The following KCNN2 variants were observed in gnomAD, a reference collection of about 807,000 sequenced individuals.
The protein encoded by KCNN2 is small conductance calcium-activated potassium channel protein 2.
KCNN2 carries 24 observed loss-of-function variants against 55.5 expected under a neutral mutation model. The ratio of observed to expected loss-of-function variants is 0.43; its 90% CI spans 0.31 to 0.61. The LOEUF (loss-of-function observed/expected upper bound fraction) is 0.61, where lower values mean the gene tolerates loss of function less well. KCNN2 is among the 20% of genes least tolerant of loss of function. The pLI, the probability that KCNN2 is intolerant of heterozygous loss-of-function variation, is 0.08. For missense variants in KCNN2, 754 were observed against 853.6 expected, an observed-to-expected ratio of 0.88 and a Z score of 1.45; for synonymous variants, 431 against 336.1, an observed-to-expected ratio of 1.28 and a Z score of -3.09.
intron 5 of KCNN2, among the ~76,000 whole-genome samples, chr5:114,475,554 A>G (rs763502518): frequency 1.3e-5 from 2 of 152,222 alleles, no homozygotes; most frequent in Non-Finnish European, 2.9e-5. Context: ...AATATACTGT[A>G]TACTAAATAT....
chr5:114,212,943 A>G (rs185416923), intron 1 of KCNN2, among the ~76,000 whole-genome samples: 6 of 152,176 alleles, frequency 3.9e-5, no homozygotes, highest in African/African-American at 1.4e-4. Context: ...CAATGTAGAT[A>G]TAATGCAATT....
chr5:114,443,707 A>G (rs1760299391), intron 3 of KCNN2, among the ~76,000 whole-genome samples: 1 of 152,264 alleles, frequency 6.6e-6, no homozygotes, highest in Non-Finnish European at 1.5e-5. Flanking sequence ...TTTTTATAGT[A>G]GAAGTAATCT....
intron 1 of KCNN2, among the ~76,000 whole-genome samples, chr5:114,219,497 C>G (rs1033765443): frequency 6.6e-6 from 1 of 152,144 alleles, no homozygotes; most frequent in African/African-American, 2.4e-5. Context: ...CCACCTGTCT[C>G]TGGCCAGATT....
At chr5:114,402,477 A>T (rs1324965253) in intron 2 of KCNN2, among the ~76,000 whole-genome samples, 2 of 152,218 alleles carry the variant, frequency 1.3e-5, no homozygotes, top group Non-Finnish European at 2.9e-5. Flanking sequence ...GAGAGAAAAG[A>T]GGCACAGGAA....
chr5:114,327,369 C>G (rs971094535), intron 2 of KCNN2, among the ~76,000 whole-genome samples: 3 of 152,196 alleles, frequency 2.0e-5, no homozygotes, highest in African/African-American at 7.2e-5. Flanking sequence ...AGCTGCCTTT[C>G]TAGAATGTCC....
At chr5:114,400,513 C>T (rs1342777034) in intron 2 of KCNN2, among the ~76,000 whole-genome samples, 1 of 152,240 alleles carries the variant, frequency 6.6e-6, no homozygotes, top group Non-Finnish European at 1.5e-5. Context: ...CATCATTCCT[C>T]TGCCTAATAC....
intron 2 of KCNN2, among the ~76,000 whole-genome samples, chr5:114,378,594 T>G (rs973724451): frequency 3.9e-5 from 6 of 152,132 alleles, no homozygotes; most frequent in Non-Finnish European, 8.8e-5. Context: ...AATTGTGTGT[T>G]GAATTAGGTT....
At chr5:114,165,610 G>A (rs1364121295) in intron 1 of KCNN2, among the ~76,000 whole-genome samples, 1 of 151,998 alleles carries the variant, frequency 6.6e-6, no homozygotes, top group African/African-American at 2.4e-5. Context: ...GTTTAGATTT[G>A]GTTCTTATCC....
intron 2 of KCNN2, among the ~76,000 whole-genome samples, chr5:114,390,290 A>G: frequency 6.6e-6 from 1 of 152,170 alleles, no homozygotes; most frequent in East Asian, 1.9e-4. Context: ...ATCTACTTGC[A>G]GAAATGATTT....
At chr5:114,357,439 T>A (rs1757315851), upstream of KCNN2, among the ~76,000 whole-genome samples, 2 of 108,422 alleles carry the variant, frequency 1.8e-5, no homozygotes. Flanking sequence ...CCCGATGCTA[T>A]CCCTCCCCCC....
At chr5:114,276,531 T>C (rs1448284339) in intron 2 of KCNN2, among the ~76,000 whole-genome samples, 2 of 152,184 alleles carry the variant, frequency 1.3e-5, no homozygotes, top group Admixed American at 1.3e-4. Context: ...GGTGCATATA[T>C]ATTTAGGATA....
intron 2 of KCNN2, among the ~76,000 whole-genome samples, chr5:114,296,658 A>G (rs1756017925): frequency 6.6e-6 from 1 of 152,228 alleles, no homozygotes; most frequent in African/African-American, 2.4e-5. Flanking sequence ...AGGCAGGAGC[A>G]TGGTGCAGAA....
At chr5:114,449,895 C>T (rs1457856374) in intron 3 of KCNN2, among the ~76,000 whole-genome samples, 1 of 86,922 alleles carries the variant, frequency 1.2e-5, no homozygotes, top group East Asian at 1.1e-3. Flanking sequence ...CACACACACA[C>T]ACACACACAC....
At chr5:114,410,041 T>C (rs163210) in intron 3 of KCNN2, among the ~76,000 whole-genome samples, 68,935 of 152,036 alleles carry the variant, frequency 0.45, 16,893 homozygotes, top group African/African-American at 0.64. Context: ...AGGCATCAGT[T>C]CTAGGAAGAA....
At chr5:114,348,351 A>G (rs1309018565) in intron 2 of KCNN2, among the ~76,000 whole-genome samples, 1 of 152,016 alleles carries the variant, frequency 6.6e-6, no homozygotes, top group Admixed American at 6.6e-5. Flanking sequence ...GCAGCACACC[A>G]GCATGGCACA....
At chr5:114,417,020 A>T (rs1759326910) in intron 3 of KCNN2, among the ~76,000 whole-genome samples, 1 of 152,258 alleles carries the variant, frequency 6.6e-6, no homozygotes, top group Non-Finnish European at 1.5e-5. Flanking sequence ...ACTGGGTTAT[A>T]CTAGGCATAT....
intron 1 of KCNN2, among the ~76,000 whole-genome samples, chr5:114,203,228 C>G (rs1462464897): frequency 6.6e-6 from 1 of 152,066 alleles, no homozygotes; most frequent in African/African-American, 2.4e-5. Flanking sequence ...AATATTATGT[C>G]TCTTTTGCTG....
chr5:114,323,651 T>TTTTTTTTTTTTTC (rs1756657508), intron 2 of KCNN2, among the ~76,000 whole-genome samples: 1 of 72,116 alleles, frequency 1.4e-5, no homozygotes, highest in East Asian at 3.1e-4. Context: ...ACATATCAAT[T>TTTTTTTTTTTTTC]TTTTTTTTTT....
At chr5:114,432,416 A>G (rs572767934) in intron 3 of KCNN2, among the ~76,000 whole-genome samples, 3 of 152,318 alleles carry the variant, frequency 2.0e-5, no homozygotes, top group East Asian at 1.9e-4. Flanking sequence ...TAGTATTACC[A>G]TGGTATATCA....
Sources: allele counts gnomAD v4.1 joint callset (sites outside exome capture counted in the v4.1 genomes callset), GRCh38; gene constraint gnomAD v4.1.1; transcripts MANE v1.5; gene names NCBI Gene and HGNC (gene_info 2026-07-23, HGNC 2026-07-21).